XXYLT1: variants seen among roughly 807,000 people sequenced by gnomAD.
XXYLT1 encodes UDP-xylose:alpha-xyloside alpha-1,3-xylosyltransferase.
XXYLT1 carries 20 observed loss-of-function variants against 28.9 expected under a neutral mutation model. The ratio of observed to expected loss-of-function variants is 0.69; its 90% CI spans 0.49 to 1.00. XXYLT1 has a LOEUF of 1.00. XXYLT1 is among the 50% of genes least tolerant of loss of function. The pLI, the probability that XXYLT1 is intolerant of heterozygous loss-of-function variation, is 0.00. For synonymous variants in XXYLT1, 257 were observed against 253.8 expected, an observed-to-expected ratio of 1.01 and a Z score of -0.12; for missense variants, 542 against 560.1, an observed-to-expected ratio of 0.97 and a Z score of 0.33.
rs901741564 is a variant in XXYLT1 at position 195,210,564 on chromosome 3, C to T, written c.652+16145G>A. Among the ~76,000 whole-genome samples the T allele has an allele frequency of 2.7e-5, 4 of 150,334 alleles. No individual in the cohort carries two copies. The highest frequency in any genetic ancestry group is 6.6e-5 in the Admixed American group (1 of 15,134). On this transcript the variant is annotated intron_variant, in intron 2 of 3. Transcript: ENST00000310380. The surrounding 1 kb of genome is among the most constrained non-coding windows in gnomAD (Gnocchi z 4.8). ...CAGAATCTAATGAAGGGGACCAAAA[C>T]GGGAAATATTACTGTTCAACCAATT... is the stretch of plus-strand genomic sequence containing the variant.
chr3:195,137,725 G>C (rs1719273627), intron 3 of XXYLT1, among the ~76,000 whole-genome samples: 1 of 152,188 alleles, frequency 6.6e-6, no homozygotes, highest in African/African-American at 2.4e-5. Flanking sequence ...GAAAGGGAGA[G>C]GGCTCTGATG....
chr3:195,191,567 G>T (rs75770581), intron 2 of XXYLT1, among the ~76,000 whole-genome samples: 1 of 152,154 alleles, frequency 6.6e-6, no homozygotes, highest in African/African-American at 2.4e-5. Context: ...GTTATGGGGG[G>T]TTGGCACCCC....
In XXYLT1 at chr3:195,270,521, A is replaced by G; in HGVS notation, c.504+34T>C. ...GACCTCGCCTAGGATGGGGTGGGCC[A>G]CCCACCGGGAGCCCCCAGCCGCGGC... is the stretch of plus-strand genomic sequence containing the variant. On this transcript the variant is annotated intron_variant, in intron 1 of 3. Coordinates refer to ENST00000310380, the MANE Select transcript of XXYLT1 (RefSeq NM_152531.5). The G allele has an allele frequency of 2.9e-6, 4 of 1,361,254 alleles. No homozygotes were observed. The South Asian group carries it at 6.8e-5, about 23-fold the overall frequency. The allele number at this position is 1,361,254 out of a possible 1,614,324, so 84.3% of individuals were successfully genotyped here.
At chr3:195,224,101 A>G (rs1450515273) in intron 2 of XXYLT1, among the ~76,000 whole-genome samples, 1 of 152,346 alleles carries the variant, frequency 6.6e-6, no homozygotes, top group Non-Finnish European at 1.5e-5. Flanking sequence ...GGTTGCAGTG[A>G]GCCGAGATTG....
At chr3:195,266,539 AAGGTGAATGTGGC>A (rs1324476946) in intron 1 of XXYLT1, among the ~76,000 whole-genome samples, 22 of 152,282 alleles carry the variant, frequency 1.4e-4, no homozygotes, top group African/African-American at 5.3e-4. Flanking sequence ...GCATTTTAGC[AAGGTGAATGTGGC>A]AGCCTTTCCC....
At position 195,180,140 on chromosome 3, in the gene XXYLT1, C is replaced by A. The variant is rs1721878407; in HGVS notation, c.653-23559G>T. ...CTGACCCGTCATGGAAGGAGGGGAG[C>A]AAACAAGAGGGGCAGGGAGGGAGGC... On this transcript the variant is annotated intron_variant, in intron 2 of 3. Coordinates refer to ENST00000310380, the MANE Select transcript of XXYLT1 (RefSeq NM_152531.5). This position sits in a 1 kb window ranked among gnomAD's most constrained non-coding sequence, Gnocchi z 5.8. Among the ~76,000 whole-genome samples, 1 of 152,172 alleles carries A rather than the reference C, an allele frequency of 6.6e-6. No homozygotes were observed. Among genetic ancestry groups the A allele is most frequent in the Non-Finnish European group, 1.5e-5 (1 of 68,026 alleles).
intron 3 of XXYLT1, among the ~76,000 whole-genome samples, chr3:195,080,874 A>C (rs563374493): frequency 1.1e-4 from 16 of 152,342 alleles, no homozygotes; most frequent in Non-Finnish European, 2.4e-4. Context: ...TCACCCAGGC[A>C]CGAAGGTGCT....
At chr3:195,165,280 G>C (rs987910509) in intron 2 of XXYLT1, among the ~76,000 whole-genome samples, 1 of 152,150 alleles carries the variant, frequency 6.6e-6, no homozygotes. Flanking sequence ...CAGGCTACAG[G>C]GTTTCCTCAG....
intron 2 of XXYLT1, among the ~76,000 whole-genome samples, chr3:195,170,531 G>GA (rs1380386810): frequency 6.6e-6 from 1 of 152,176 alleles, no homozygotes; most frequent in Non-Finnish European, 1.5e-5. Context: ...ATTTGTCAAA[G>GA]AAAAATCAAA....
chr3:195,104,523 T>C lies in XXYLT1; in HGVS notation c.786-34412A>G, dbSNP rs201414437. ...TGAGATTCAGCTGCTCACACGACCA[T>C]GTGTTCACTGAGCAGGGGATCACAA... On this transcript the variant is annotated intron_variant, in intron 3 of 3. Transcript: ENST00000310380. Among the ~76,000 whole-genome samples, 11 of 152,196 alleles carry C rather than the reference T, an allele frequency of 7.2e-5. No individual in the cohort carries two copies. In the East Asian group the frequency reaches 1.4e-3, roughly 19 times the overall value.
At chr3:195,117,076 GA>G (rs1308792091) in intron 3 of XXYLT1, among the ~76,000 whole-genome samples, 3 of 150,758 alleles carry the variant, frequency 2.0e-5, no homozygotes. Flanking sequence ...AGTTTATTGG[GA>G]AAACAATCTG....
chr3:195,217,733 A>T (rs1275229192), intron 2 of XXYLT1, among the ~76,000 whole-genome samples: 2 of 151,976 alleles, frequency 1.3e-5, no homozygotes, highest in African/African-American at 4.8e-5. Flanking sequence ...AAATAGCCAT[A>T]CTGCCCAAGG....
rs1222280172 is a variant in XXYLT1, at chr3:195,256,172, C to G, written c.504+14383G>C. Among the ~76,000 whole-genome samples the G allele has an allele frequency of 6.6e-6, 1 of 152,216 alleles. No individual in the cohort carries two copies. The highest frequency in any genetic ancestry group is 1.5e-5 in the Non-Finnish European group (1 of 68,026). On this transcript the variant is annotated intron_variant, in intron 1 of 3. Coordinates refer to ENST00000310380, the MANE Select transcript of XXYLT1 (RefSeq NM_152531.5). This position sits in a 1 kb window ranked among gnomAD's most constrained non-coding sequence, Gnocchi z 4.2. ...ATCGGGCAGAGTGCTGAAGAATCAG[C>G]AAGCCGGACTCCAATCATGGCTCCG...
Position 195,270,963 on chromosome 3 carries a change from C to A in XXYLT1, c.96G>T (p.Ala32=). The A allele has an allele frequency of 1.3e-6, 2 of 1,488,320 alleles. No individual in the cohort carries two copies. The highest frequency in any genetic ancestry group is 1.8e-6 in the Non-Finnish European group (2 of 1,122,080). The allele number at this position is 1,488,320 out of a possible 1,614,324, so 92.2% of individuals were successfully genotyped here. The change falls in exon 1 of 4, where the codon GCG becomes GCT. Residue 32 remains alanine, a synonymous_variant. Coordinates refer to ENST00000310380, the MANE Select transcript of XXYLT1 (RefSeq NM_152531.5). The part of the protein sequence containing the change: ...SHYCALLLAA[A]LAVCAFYYLG... ...GGTAGTAGAAGGCGCAGACGGCCAG[C>A]GCCGCGGCCAGCAGCAGGGCGCAGT... is the stretch of plus-strand genomic sequence containing the variant.
Position 195,069,113 on chromosome 3 carries a change from A to G in XXYLT1, c.*602T>C, listed in dbSNP as rs1344343998. The G allele has an allele frequency of 6.6e-6, 1 of 152,648 alleles. No homozygotes were observed. The highest frequency in any genetic ancestry group is 2.4e-5 in the African/African-American group (1 of 41,442). 9.5% of individuals were successfully genotyped at this position (152,648 alleles called of 1,614,324 possible). A position where few individuals can be genotyped will look rare whatever the true frequency, so the allele number is the denominator to read the frequency against. ...TTATGCAGGCCCCAGTTGGTCCTGA[A>G]GTCCTTCCTCAAAGAGGCGATCCTG... On this transcript the variant is annotated 3_prime_UTR_variant, in exon 4 of 4. Coordinates refer to ENST00000310380, the MANE Select transcript of XXYLT1 (RefSeq NM_152531.5).
chr3:195,197,304 G>A (rs1195482912), intron 2 of XXYLT1, among the ~76,000 whole-genome samples: 5 of 152,160 alleles, frequency 3.3e-5, no homozygotes. Flanking sequence ...GGGCGTGGTG[G>A]TGCACGCCTG....
At position 195,127,921 on chromosome 3, in the gene XXYLT1, A is replaced by G. The variant is rs555710658; in HGVS notation, c.785+28528T>C. On this transcript the variant is annotated intron_variant, in intron 3 of 3. Transcript: ENST00000310380. Reference sequence around the variant, plus strand: ...AATCATTGAAAGAGGTAATTGTGCAAATGTGTACATCACATAGGCTGACAT... The same window carrying G: ...AATCATTGAAAGAGGTAATTGTGCAGATGTGTACATCACATAGGCTGACAT... Among the ~76,000 whole-genome samples, 14 of 152,338 alleles carry G rather than the reference A, an allele frequency of 9.2e-5. No individual in the cohort carries two copies. In the South Asian group the frequency reaches 2.9e-3, roughly 32 times the overall value.
Position 195,115,134 on chromosome 3 carries a change from G to C in XXYLT1, c.785+41315C>G, listed in dbSNP as rs866685403. On this transcript the variant is annotated intron_variant, in intron 3 of 3. Coordinates refer to ENST00000310380, the MANE Select transcript of XXYLT1 (RefSeq NM_152531.5). This position sits in a 1 kb window ranked among gnomAD's most constrained non-coding sequence, Gnocchi z 4.2. ...CCAGATGCCCAAACGGCGAGAGCTC[G>C]GGACGTGAATCAGGTGCTGCGACTC... is the stretch of plus-strand genomic sequence containing the variant. 2.0e-5 allele frequency among the ~76,000 whole-genome samples: 3 copies of C among 152,330 alleles called. No individual in the cohort carries two copies. The highest frequency in any genetic ancestry group is 2.9e-5 in the Non-Finnish European group (2 of 68,032).
At chr3:195,236,323 C>G (rs1048294211) in intron 1 of XXYLT1, among the ~76,000 whole-genome samples, 8 of 152,206 alleles carry the variant, frequency 5.3e-5, no homozygotes, top group African/African-American at 1.7e-4. Flanking sequence ...AAAGTCCTTC[C>G]CACTCTTCCC....
Sources: allele counts gnomAD v4.1 joint callset (sites outside exome capture counted in the v4.1 genomes callset), GRCh38; gene constraint gnomAD v4.1.1; non-coding constraint Gnocchi (gnomAD v3.1); transcripts MANE v1.5; gene names NCBI Gene and HGNC (gene_info 2026-07-23, HGNC 2026-07-21).